Variants in ITGA2 observed in about 807,000 individuals in gnomAD.
The protein encoded by ITGA2 is integrin subunit alpha 2.
In ITGA2, 101 loss-of-function variants were observed where a neutral mutation model predicts 146.3. The ratio of observed to expected loss-of-function variants is 0.69; its 90% CI spans 0.59 to 0.81. The LOEUF is 0.81. ITGA2 is among the 40% of genes least tolerant of loss of function. The probability of loss-of-function intolerance (pLI) is 0.00; values close to 1 mark genes in which losing one functional copy is unlikely to be tolerated. For synonymous variants in ITGA2, 477 were observed against 487.1 expected (o/e 0.98, Z 0.27); for missense variants, 1,281 against 1,402.7 (o/e 0.91, Z 1.39).
intron 2 of ITGA2, among the ~76,000 whole-genome samples, chr5:53,036,911 A>T (rs1451192633): frequency 6.6e-6 from 1 of 152,102 alleles, no homozygotes; most frequent in Non-Finnish European, 1.5e-5. Context: ...GTTGTGTACC[A>T]TTTCAGTCCC....
At chr5:53,000,891 C>CTTTTTTTTTTTTT (rs1407616111) in intron 1 of ITGA2, among the ~76,000 whole-genome samples, 11 of 105,120 alleles carry the variant, frequency 1.0e-4, no homozygotes, top group African/African-American at 2.1e-4. Context: ...TTTTCTTTTT[C>CTTTTTTTTTTTTT]TTTTTGTTTT....
At chr5:53,074,194 G>A (rs1745543242) in intron 20 of ITGA2, among the ~76,000 whole-genome samples, 191 bp from the exon 21 acceptor site, 1 of 151,754 alleles carries the variant, frequency 6.6e-6, no homozygotes, top group Non-Finnish European at 1.5e-5. Context: ...GTATCTTTAG[G>A]GTTAGCAATA....
intron 15 of ITGA2, among the ~76,000 whole-genome samples, chr5:53,066,777 A>T (rs897409839): frequency 6.6e-6 from 1 of 151,938 alleles, no homozygotes; most frequent in Admixed American, 6.6e-5. Flanking sequence ...ATAATACTTA[A>T]GACTTTAAAA....
At chr5:53,000,158 CATAG>C (rs1045682496) in intron 1 of ITGA2, among the ~76,000 whole-genome samples, 1 of 152,094 alleles carries the variant, frequency 6.6e-6, no homozygotes, top group Admixed American at 6.6e-5. Flanking sequence ...ATATGTTGCA[CATAG>C]ATATAGTTCT....
intron 26 of ITGA2, 31 bp downstream of exon 26, chr5:53,081,727 CT>C: frequency 7.0e-7 from 1 of 1,424,344 alleles, no homozygotes; most frequent in Non-Finnish European, 9.9e-7. Flanking sequence ...GAAAGCTCCC[CT>C]CATTCATTTA....
At chr5:53,083,627 TC>T (rs1313632905) in intron 27 of ITGA2, among the ~76,000 whole-genome samples, 174 bp downstream of exon 27, 1 of 152,200 alleles carries the variant, frequency 6.6e-6, no homozygotes, top group Non-Finnish European at 1.5e-5. Flanking sequence ...CCAATGCCCA[TC>T]CAATTTAGCA....
At position 53,090,580 on chromosome 5, in the gene ITGA2, C is replaced by T; in HGVS notation, c.3527C>T (p.Thr1176Ile). The change falls in exon 30 of 30, where the codon ACC (threonine) becomes ATC (isoleucine). Residue 1176 changes from threonine to isoleucine, a missense_variant. This residue lies in a region of ITGA2 where 475 missense variants were observed against 530.5 expected (regional missense o/e 0.90). Coordinates refer to ENST00000296585, the MANE Select transcript of ITGA2 (RefSeq NM_002203.4). ...AAAAATCCAGATGAGATTGATGAGA[C>T]CACAGAGCTCAGTAGCTGAACCAGC... ...MTKNPDEIDE[T>I]TELSS 6.2e-7 allele frequency: 1 copy of T among 1,613,908 alleles called. No homozygotes were observed. Among genetic ancestry groups the T allele is most frequent in the Non-Finnish European group, 8.5e-7 (1 of 1,179,856 alleles).
intron 7 of ITGA2, among the ~76,000 whole-genome samples, chr5:53,054,894 A>G (rs1221748338): frequency 6.6e-6 from 1 of 152,098 alleles, no homozygotes; most frequent in Non-Finnish European, 1.5e-5. Context: ...ACTTATTTAT[A>G]TGACCAAATA....
chr5:53,017,717 T>G (rs1388209810), intron 1 of ITGA2, among the ~76,000 whole-genome samples: 3 of 152,172 alleles, frequency 2.0e-5, no homozygotes, highest in African/African-American at 4.8e-5. Context: ...CCAGTATTCC[T>G]GTGTGCATTC....
In ITGA2 at chr5:53,062,944, A is replaced by AG; in HGVS notation, c.1602+15_1602+16insG. 1.3e-6 allele frequency: 2 copies of AG among 1,574,594 alleles called. No individual in the cohort carries two copies. Among genetic ancestry groups the AG allele is most frequent in the Non-Finnish European group, 1.7e-6 (2 of 1,148,564 alleles). The stretch of plus-strand genomic sequence containing the variant: ...CTATCAAAGAGGTAAAAAAAAAAAA[A>AG]TAAACTAATAGTTTAATTTGCTTTA... On this transcript the variant is annotated intron_variant, in intron 13 of 29. Transcript: ENST00000296585.
At chr5:52,998,553 C>G (rs949325864) in intron 1 of ITGA2, among the ~76,000 whole-genome samples, 1 of 152,138 alleles carries the variant, frequency 6.6e-6, no homozygotes, top group African/African-American at 2.4e-5. Context: ...TACTCTTTAG[C>G]CCCAGCCTCC....
intron 1 of ITGA2, among the ~76,000 whole-genome samples, chr5:52,996,013 A>G (rs1174199800): frequency 1.3e-5 from 2 of 152,222 alleles, no homozygotes; most frequent in Admixed American, 6.5e-5. Context: ...GCAAGTTGAT[A>G]GTCTTGAAGG....
At chr5:53,077,738 T>C (rs1433455661) in intron 23 of ITGA2, among the ~76,000 whole-genome samples, 1 of 152,068 alleles carries the variant, frequency 6.6e-6, no homozygotes, top group African/African-American at 2.4e-5. Context: ...CTGTGACATA[T>C]TTTCCTTTTA....
chr5:53,076,119 G>A (rs781752266), intron 23 of ITGA2, among the ~76,000 whole-genome samples: 1 of 151,960 alleles, frequency 6.6e-6, no homozygotes, highest in Non-Finnish European at 1.5e-5. Context: ...AGACAAACTG[G>A]AACACAGTTG....
chr5:53,000,046 A>AG (rs1741486688), intron 1 of ITGA2, among the ~76,000 whole-genome samples: 1 of 152,148 alleles, frequency 6.6e-6, no homozygotes, highest in South Asian at 2.1e-4. Context: ...TCTACACTCA[A>AG]GGGTTTAATT....
At chr5:53,010,840 G>A (rs1283029705) in intron 1 of ITGA2, among the ~76,000 whole-genome samples, 19 of 152,106 alleles carry the variant, frequency 1.2e-4, no homozygotes, top group Admixed American at 1.2e-3. Flanking sequence ...GGTGGTTAAG[G>A]ATCTTGAGAT....
Position 53,065,811 on chromosome 5 carries a change from T to C in ITGA2, c.1807-30T>C, listed in dbSNP as rs745956796. 2.5e-5 allele frequency: 41 copies of C among 1,611,290 alleles called. No individual in the cohort carries two copies. The East Asian group carries it at 3.1e-4, about 12-fold the overall frequency. On this transcript the variant is annotated intron_variant, in intron 14 of 29. Transcript: ENST00000296585. ...ATTTTCTGGTTCAGCTGTTGTGTAC[T>C]ATAATTTCGTGTCAAACCTGCTCTT...
At chr5:53,038,926 A>G (rs1226046095) in intron 2 of ITGA2, among the ~76,000 whole-genome samples, 2 of 152,126 alleles carry the variant, frequency 1.3e-5, no homozygotes, top group East Asian at 1.9e-4. Flanking sequence ...TGCCATCTCT[A>G]TTAAAAAAGT....
chr5:53,042,294 T>C (rs1249275063), intron 3 of ITGA2, 73 bp downstream of exon 3: 2 of 982,622 alleles, frequency 2.0e-6, no homozygotes, highest in East Asian at 4.8e-5. Flanking sequence ...AGAACAATCA[T>C]TGTTCTGTCT....
Sources: gnomAD v4.1 joint callset for allele counts (sites outside exome capture counted in the v4.1 genomes callset) on GRCh38, gnomAD v4.1.1 for gene constraint, gnomAD v4.1.1 regional missense constraint, MANE v1.5 for transcripts, NCBI Gene and HGNC (gene_info 2026-07-23, HGNC 2026-07-21) for gene names.